The following KDM4B variants were observed in gnomAD, a reference collection of about 807,000 sequenced individuals.
KDM4B encodes lysine-specific demethylase 4B.
A neutral mutation model predicts 125.2 loss-of-function variants in KDM4B; 32 were observed. The observed-to-expected ratio is 0.26, with a 90% CI of 0.19 to 0.34. The LOEUF is 0.34. KDM4B is among the 10% of genes least tolerant of loss of function. The probability of loss-of-function intolerance (pLI) is 1.00; values close to 1 mark genes in which losing one functional copy is unlikely to be tolerated. For missense variants in KDM4B, 1,190 were observed against 1,577.7 expected, an observed-to-expected ratio of 0.75 and a Z score of 4.16; for synonymous variants, 721 against 677.9, an observed-to-expected ratio of 1.06 and a Z score of -0.99.
intron 9 of KDM4B, among the ~76,000 whole-genome samples, chr19:5,095,561 G>A (rs780702545): frequency 6.6e-6 from 1 of 152,262 alleles, no homozygotes; most frequent in Non-Finnish European, 1.5e-5. Flanking sequence ...CCAGGCTGCT[G>A]CACACTGAGA....
intron 1 of KDM4B, among the ~76,000 whole-genome samples, chr19:4,970,356 T>C (rs2034212134): frequency 6.6e-6 from 1 of 152,248 alleles, no homozygotes; most frequent in South Asian, 2.1e-4. Flanking sequence ...GTGGTTCAGC[T>C]CCGTGGAGCC....
intron 21 of KDM4B, among the ~76,000 whole-genome samples, chr19:5,145,978 G>A (rs901701038): frequency 6.6e-6 from 1 of 152,192 alleles, no homozygotes; most frequent in African/African-American, 2.4e-5. Context: ...CGCATCTCCC[G>A]CCAGACCTGA....
chr19:4,994,937 T>A (rs1402332429), intron 1 of KDM4B, among the ~76,000 whole-genome samples: 3 of 152,206 alleles, frequency 2.0e-5, no homozygotes, highest in African/African-American at 4.8e-5. Flanking sequence ...CCAATATCAT[T>A]TGAAGCAAGG....
intron 11 of KDM4B, among the ~76,000 whole-genome samples, chr19:5,126,073 C>T (rs919520959): frequency 6.6e-6 from 1 of 152,212 alleles, no homozygotes; most frequent in African/African-American, 2.4e-5. Flanking sequence ...GCTGAGGCAC[C>T]TTTCAGGGCC....
intron 1 of KDM4B, among the ~76,000 whole-genome samples, chr19:5,006,636 G>A (rs1305330275): frequency 1.3e-5 from 2 of 152,160 alleles, no homozygotes; most frequent in African/African-American, 4.8e-5. Flanking sequence ...AGCTGGGCAT[G>A]GTGGCGCATG....
At chr19:5,147,585 AAAAC>A (rs1599278803) in intron 21 of KDM4B, among the ~76,000 whole-genome samples, 5 of 151,922 alleles carry the variant, frequency 3.3e-5, no homozygotes, top group African/African-American at 7.3e-5. Flanking sequence ...TCTCTACAAA[AAAAC>A]AAAATTAGCT....
chr19:5,135,345 C>T lies in KDM4B; in HGVS notation c.2092C>T (p.Gln698Ter). ...GGTCGCCTCTCCCCTACAGGCCCTA[C>T]AGACTGAGAAGGAGGCACCCATAGC... is the stretch of plus-strand genomic sequence containing the variant. ...TLFYPYCQAL[Q>*]TEKEAPIASL... is the part of the protein sequence containing the mutation. The change falls in exon 15 of 23, where the codon CAG (glutamine) becomes TAG (stop). Residue 698 changes from glutamine (Q) to a stop codon, truncating the protein, a stop_gained. Coordinates refer to ENST00000159111, the MANE Select transcript of KDM4B (RefSeq NM_015015.3). LOFTEE classifies it high-confidence loss of function. The T allele has an allele frequency of 6.2e-7, 1 of 1,610,908 alleles. No individual in the cohort carries two copies. The highest frequency in any genetic ancestry group is 8.5e-7 in the Non-Finnish European group (1 of 1,177,916).
chr19:5,066,234 G>T (rs972401768), intron 6 of KDM4B, among the ~76,000 whole-genome samples: 3 of 152,220 alleles, frequency 2.0e-5, no homozygotes, highest in African/African-American at 7.2e-5. Context: ...AAAGTGTAAC[G>T]TTGGTGACAT....
At chr19:4,999,111 G>A (rs1432690634) in intron 1 of KDM4B, among the ~76,000 whole-genome samples, 3 of 152,152 alleles carry the variant, frequency 2.0e-5, no homozygotes, top group African/African-American at 7.2e-5. Context: ...GATTCTTGCC[G>A]CATGGTGGTT....
At chr19:5,101,926 C>T (rs2038943494) in intron 9 of KDM4B, among the ~76,000 whole-genome samples, 1 of 152,160 alleles carries the variant, frequency 6.6e-6, no homozygotes, top group Admixed American at 6.5e-5. Flanking sequence ...GCCCAGTGTC[C>T]CCAGCCCAGA....
chr19:5,055,457 G>A (rs372760629), intron 6 of KDM4B, among the ~76,000 whole-genome samples: 2 of 152,190 alleles, frequency 1.3e-5, no homozygotes, highest in East Asian at 1.9e-4. Context: ...GGGGACTTCC[G>A]GTGTTTGGAT....
intron 11 of KDM4B, among the ~76,000 whole-genome samples, chr19:5,125,123 C>T (rs1049383444): frequency 6.6e-6 from 1 of 150,450 alleles, no homozygotes; most frequent in Non-Finnish European, 1.5e-5. Flanking sequence ...TGCTCCCGAA[C>T]TCCTGGGCTC....
intron 1 of KDM4B, among the ~76,000 whole-genome samples, chr19:4,979,797 C>A (rs1252022204): frequency 2.0e-5 from 3 of 152,156 alleles, no homozygotes; most frequent in Non-Finnish European, 4.4e-5. Context: ...CTATGAAATT[C>A]ATCTTCTTAA....
At chr19:5,060,462 AAG>A (rs1265844427) in intron 6 of KDM4B, among the ~76,000 whole-genome samples, 3,822 of 64,482 alleles carry the variant, frequency 0.059, 784 homozygotes, top group Middle Eastern at 0.096. Context: ...AAAAAAAAAA[AAG>A]GGAGCCATGA....
chr19:5,149,003 G>A lies in KDM4B; in HGVS notation c.3022-1355G>A, dbSNP rs539075536. Among the ~76,000 whole-genome samples, 4 of 152,314 alleles carry A rather than the reference G, an allele frequency of 2.6e-5. No homozygotes were observed. The South Asian group carries it at 8.3e-4, about 32-fold the overall frequency. ...ACCGGCCATCTGAGAGTCCACACTG[G>A]GCACTCCCAGCCCTGCTTCTCCCGC... On this transcript the variant is annotated intron_variant, in intron 21 of 22. Coordinates refer to ENST00000159111, the MANE Select transcript of KDM4B (RefSeq NM_015015.3).
intron 9 of KDM4B, among the ~76,000 whole-genome samples, chr19:5,105,412 T>G (rs1838501463): frequency 6.6e-6 from 1 of 152,234 alleles, no homozygotes; most frequent in Non-Finnish European, 1.5e-5. Flanking sequence ...GAAAAGTTAC[T>G]TCATGACTTA....
chr19:5,057,746 G>A (rs750293666), intron 6 of KDM4B, among the ~76,000 whole-genome samples: 1 of 152,238 alleles, frequency 6.6e-6, no homozygotes, highest in Non-Finnish European at 1.5e-5. Context: ...CAGGTGCCAG[G>A]ACGATGTGCA....
intron 9 of KDM4B, among the ~76,000 whole-genome samples, chr19:5,094,599 G>A (rs2038780723): frequency 6.6e-6 from 1 of 151,836 alleles, no homozygotes; most frequent in Admixed American, 6.6e-5. Flanking sequence ...TTTAGGGGTG[G>A]TGCCTGTAGG....
At chr19:5,010,981 C>T (rs537643571) in intron 1 of KDM4B, among the ~76,000 whole-genome samples, 6 of 152,208 alleles carry the variant, frequency 3.9e-5, no homozygotes, top group Non-Finnish European at 8.8e-5. Context: ...CTCAGGAAAG[C>T]CATCTGTGTG....
Sources: gnomAD v4.1 joint callset for allele counts (sites outside exome capture counted in the v4.1 genomes callset) on GRCh38, gnomAD v4.1.1 for gene constraint, MANE v1.5 for transcripts, NCBI Gene and HGNC (gene_info 2026-07-23, HGNC 2026-07-21) for gene names.